The following FRMD4A variants were observed in gnomAD, a reference collection of about 807,000 sequenced individuals.
FRMD4A encodes FERM domain containing 4A.
A neutral mutation model predicts 129.1 loss-of-function variants in FRMD4A; 29 were observed. The observed-to-expected ratio is 0.22, with a 90% CI of 0.17 to 0.31. The LOEUF (loss-of-function observed/expected upper bound fraction) is 0.31, where lower values mean the gene tolerates loss of function less well. Among genes scored for constraint, FRMD4A ranks in the 10% least tolerant of loss-of-function variants. The pLI is 1.00. For missense variants in FRMD4A, 1,272 were observed against 1,375.8 expected (o/e 0.92, Z 1.19); for synonymous variants, 634 against 571.6 (o/e 1.11, Z -1.56).
At chr10:13,843,493 G>C (rs2093999563) in intron 3 of FRMD4A, among the ~76,000 whole-genome samples, 1 of 152,124 alleles carries the variant, frequency 6.6e-6, no homozygotes, top group Non-Finnish European at 1.5e-5. Flanking sequence ...TGGGAAGAAA[G>C]TCTCTTTTCT....
chr10:13,837,620 A>G (rs1228820034), intron 3 of FRMD4A, among the ~76,000 whole-genome samples: 1 of 152,212 alleles, frequency 6.6e-6, no homozygotes, highest in African/African-American at 2.4e-5. Flanking sequence ...AGGCAATGTC[A>G]TTACTCAAGG....
intron 15 of FRMD4A, chr10:13,685,393 A>C: frequency 2.0e-6 from 2 of 985,050 alleles, no homozygotes; most frequent in Non-Finnish European, 2.4e-6. Context: ...CTGAACATTC[A>C]TTTTAAAAAA....
At chr10:14,029,637 G>C (rs1458051919) in intron 2 of FRMD4A, among the ~76,000 whole-genome samples, 1 of 152,168 alleles carries the variant, frequency 6.6e-6, no homozygotes, top group African/African-American at 2.4e-5. Context: ...CCACCACACA[G>C]TGGATCAGAA....
intron 2 of FRMD4A, among the ~76,000 whole-genome samples, chr10:13,962,260 G>A (rs2095450593): frequency 6.6e-6 from 1 of 152,072 alleles, no homozygotes; most frequent in Non-Finnish European, 1.5e-5. Flanking sequence ...TCTCCCCAGA[G>A]GAGACCAGCC....
chr10:14,153,745 A>G (rs1840458304), intron 2 of FRMD4A, among the ~76,000 whole-genome samples: 1 of 152,180 alleles, frequency 6.6e-6, no homozygotes, highest in South Asian at 2.1e-4. Flanking sequence ...TCTCTGGCCA[A>G]TCGCCTTTGG....
intron 2 of FRMD4A, among the ~76,000 whole-genome samples, chr10:14,000,850 G>C (rs1385081976): frequency 6.6e-6 from 1 of 152,050 alleles, no homozygotes; most frequent in Non-Finnish European, 1.5e-5. Context: ...AGGAAGTCAT[G>C]CACAATTCTA....
At chr10:13,650,388 C>G (rs1006437337) in intron 24 of FRMD4A, among the ~76,000 whole-genome samples, 2 of 152,100 alleles carry the variant, frequency 1.3e-5, no homozygotes, top group Non-Finnish European at 1.5e-5. Context: ...ATGTGTGTCC[C>G]TGCATGTGCA....
intron 2 of FRMD4A, among the ~76,000 whole-genome samples, chr10:14,086,052 C>T (rs1836254967): frequency 6.6e-6 from 1 of 152,140 alleles, no homozygotes; most frequent in Non-Finnish European, 1.5e-5. Context: ...CATATACTTC[C>T]ACCCTAGATA....
intron 2 of FRMD4A, among the ~76,000 whole-genome samples, chr10:13,934,405 C>T (rs1187265201): frequency 1.1e-4 from 16 of 152,140 alleles, no homozygotes; most frequent in African/African-American, 2.2e-4. Flanking sequence ...TTCTTGGAAG[C>T]GCAAGCTTAA....
At chr10:14,045,929 TA>T (rs1468595791) in intron 2 of FRMD4A, among the ~76,000 whole-genome samples, 1 of 148,038 alleles carries the variant, frequency 6.8e-6, no homozygotes, top group African/African-American at 2.5e-5. Context: ...TTTAATGTAT[TA>T]ATACATATTC....
At chr10:14,153,141 C>T (rs1306741772) in intron 2 of FRMD4A, among the ~76,000 whole-genome samples, 1 of 152,208 alleles carries the variant, frequency 6.6e-6, no homozygotes. Context: ...GGGCTTTTCC[C>T]ATTTTCCATG....
chr10:13,772,884 G>C (rs1186886148), intron 6 of FRMD4A, among the ~76,000 whole-genome samples: 1 of 152,136 alleles, frequency 6.6e-6, no homozygotes, highest in Non-Finnish European at 1.5e-5. Context: ...CCTAGTATTT[G>C]ATAGCACAAC....
chr10:14,318,340 T>TTA (rs1846831342), intron 2 of FRMD4A, among the ~76,000 whole-genome samples: 3 of 149,548 alleles, frequency 2.0e-5, no homozygotes, highest in South Asian at 2.2e-4. Context: ...TTTTTTTTTT[T>TTA]ACCTTGACAC....
chr10:13,691,657 C>T (rs78834243), intron 15 of FRMD4A, among the ~76,000 whole-genome samples: 2 of 152,224 alleles, frequency 1.3e-5, no homozygotes, highest in Non-Finnish European at 2.9e-5. Context: ...TTTGACAAGC[C>T]CTCCAAGTGG....
chr10:14,089,618 CA>C lies in FRMD4A; in HGVS notation c.46-230707del, dbSNP rs369054869. On this transcript the variant is annotated intron_variant, in intron 2 of 24. Coordinates refer to ENST00000357447, the MANE Select transcript of FRMD4A (RefSeq NM_018027.5). Reference sequence around the variant, plus strand: ...ATTGAAAAAAGTTCACCTTTTCAAGCAAAAAAAAAAACAAAAAAAAACAAAC... The same window carrying C: ...ATTGAAAAAAGTTCACCTTTTCAAGCAAAAAAAAAACAAAAAAAAACAAAC... Among the ~76,000 whole-genome samples, 63 of 79,582 alleles carry C rather than the reference CA, an allele frequency of 7.9e-4. 2 individuals are homozygous for C. The highest frequency in any genetic ancestry group is 5.4e-3 in the African/African-American group (57 of 10,564). 52.2% of individuals were successfully genotyped at this position (79,582 alleles called of 152,430 possible).
At chr10:14,112,501 C>T (rs185109865) in intron 2 of FRMD4A, among the ~76,000 whole-genome samples, 2 of 152,276 alleles carry the variant, frequency 1.3e-5, no homozygotes, top group East Asian at 3.9e-4. Context: ...TCACACTGGG[C>T]TTTGCTTATA....
intron 2 of FRMD4A, among the ~76,000 whole-genome samples, chr10:14,199,489 A>C (rs189294200): frequency 5.9e-5 from 9 of 151,512 alleles, no homozygotes; most frequent in African/African-American, 1.9e-4. Flanking sequence ...TCCCGGGCTC[A>C]AGCAATTCTC....
At chr10:14,128,661 T>C (rs750494435) in intron 2 of FRMD4A, among the ~76,000 whole-genome samples, 1 of 152,216 alleles carries the variant, frequency 6.6e-6, no homozygotes, top group African/African-American at 2.4e-5. Flanking sequence ...GGCCGTATGT[T>C]ACTGCAGGCA....
At chr10:14,318,336 T>TC (rs1846831123) in intron 2 of FRMD4A, among the ~76,000 whole-genome samples, 1 of 149,896 alleles carries the variant, frequency 6.7e-6, no homozygotes, top group Admixed American at 6.6e-5. Flanking sequence ...CACCTTTTTT[T>TC]TTTTACCTTG....
Sources: allele counts gnomAD v4.1 joint callset (sites outside exome capture counted in the v4.1 genomes callset), GRCh38; gene constraint gnomAD v4.1.1; transcripts MANE v1.5; gene names NCBI Gene and HGNC (gene_info 2026-07-23, HGNC 2026-07-21).